Variants in PLS1 observed in about 807,000 individuals in gnomAD.
PLS1 encodes plastin-1.
In PLS1, 32 loss-of-function variants were observed where a neutral mutation model predicts 73.7. That is an observed-to-expected ratio of 0.43 (90% CI 0.33 to 0.58). The LOEUF is 0.58. Among genes scored for constraint, PLS1 ranks in the 20% least tolerant of loss-of-function variants. PLS1 has a pLI of 0.04. For missense variants in PLS1, 633 were observed against 740.5 expected, an observed-to-expected ratio of 0.85 and a Z score of 1.68; for synonymous variants, 217 against 261.3, an observed-to-expected ratio of 0.83 and a Z score of 1.63.
At position 142,698,043 on chromosome 3, in the gene PLS1, T is replaced by A; in HGVS notation, c.1347T>A (p.Pro449=). ...NWSHVNKPPY[P]ALGGNMKKIE... ...GCCATGTCAACAAACCTCCTTATCC[T>A]GCCCTTGGAGGGAACATGAAGAAGG... Residue 449 remains proline, a synonymous_variant, in exon 12 of 16, where the codon CCT becomes CCA. Coordinates refer to ENST00000457734, the MANE Select transcript of PLS1 (RefSeq NM_001145319.2). 6.2e-7 allele frequency: 1 copy of A among 1,600,496 alleles called. No homozygotes were observed. The highest frequency in any genetic ancestry group is 8.6e-7 in the Non-Finnish European group (1 of 1,167,652).
At chr3:142,603,106 G>A (rs1272896580) in intron 1 of PLS1, among the ~76,000 whole-genome samples, 1 of 152,204 alleles carries the variant, frequency 6.6e-6, no homozygotes, top group Admixed American at 6.5e-5. Context: ...TTATAAAATG[G>A]TTATACAATT....
intron 1 of PLS1, among the ~76,000 whole-genome samples, chr3:142,599,457 G>A (rs1182907503): frequency 1.3e-5 from 2 of 150,844 alleles, no homozygotes; most frequent in African/African-American, 4.9e-5. Context: ...AGCCTCCCGA[G>A]TAGCTGGGAC....
In PLS1 at chr3:142,698,149, G is replaced by C. The variant is rs140077524; in HGVS notation, c.1371+82G>C. 45 of 789,610 alleles carry C rather than the reference G, an allele frequency of 5.7e-5. 1 individual carries two copies. The African/African-American group carries it at 6.5e-4, about 11-fold the overall frequency. 48.9% of individuals were successfully genotyped at this position (789,610 alleles called of 1,614,324 possible). On this transcript the variant is annotated intron_variant, in intron 12 of 15. Transcript: ENST00000457734. ...TTTAGAGTTTCATGAAGTTATACGT[G>C]CTCTGTCCCCACAATTCTGATTCAG...
intron 4 of PLS1, 93 bp from the exon 5 acceptor site, chr3:142,676,064 A>G (rs1163828757): frequency 1.1e-6 from 1 of 910,352 alleles, no homozygotes; most frequent in African/African-American, 1.7e-5. Flanking sequence ...GAAATTAACA[A>G]GTATGTTTTT....
intron 1 of PLS1, among the ~76,000 whole-genome samples, chr3:142,639,191 C>T (rs543760690): frequency 2.2e-4 from 33 of 152,252 alleles, no homozygotes; most frequent in Admixed American, 2.0e-4. Flanking sequence ...TCAGAAACTT[C>T]GTCGTATCAT....
At chr3:142,651,672 C>G (rs372558200) in intron 1 of PLS1, among the ~76,000 whole-genome samples, 1 of 152,066 alleles carries the variant, frequency 6.6e-6, no homozygotes, top group East Asian at 1.9e-4. Flanking sequence ...CATCAAGGCT[C>G]CCTGGGAGGC....
chr3:142,639,062 G>C (rs747706407), intron 1 of PLS1, among the ~76,000 whole-genome samples: 1 of 152,062 alleles, frequency 6.6e-6, no homozygotes, highest in Non-Finnish European at 1.5e-5. Context: ...TTATTATAAC[G>C]TAATTTCTAT....
At position 142,713,437 on chromosome 3, in the gene PLS1, A is replaced by G. The variant is rs376056602; in HGVS notation, c.*1430A>G. The G allele has an allele frequency of 3.3e-5, 5 of 152,726 alleles. No individual in the cohort carries two copies. Among genetic ancestry groups the G allele is most frequent in the Admixed American group, 2.0e-4 (3 of 15,304 alleles). The allele number at this position is 152,726 out of a possible 1,614,324, so 9.5% of individuals were successfully genotyped here. On this transcript the variant is annotated 3_prime_UTR_variant, in exon 16 of 16. Transcript: ENST00000457734. ...AAATGATCAACAGGTGGAATTTGAAATATATTCTTCTACAAAAGAGATTTC... is the reference window on the plus strand; with the variant it reads ...AAATGATCAACAGGTGGAATTTGAAGTATATTCTTCTACAAAAGAGATTTC...
chr3:142,624,044 A>G (rs192367769), intron 1 of PLS1, among the ~76,000 whole-genome samples: 2 of 152,174 alleles, frequency 1.3e-5, no homozygotes, highest in African/African-American at 4.8e-5. Flanking sequence ...TTAATTGTGG[A>G]TAAGCAAAAC....
intron 1 of PLS1, among the ~76,000 whole-genome samples, chr3:142,617,374 G>T (rs2036234516): frequency 6.6e-6 from 1 of 152,118 alleles, no homozygotes; most frequent in Non-Finnish European, 1.5e-5. Flanking sequence ...GATTTCATCT[G>T]AAAATGGAAT....
chr3:142,607,290 A>G (rs1296224247), intron 1 of PLS1, among the ~76,000 whole-genome samples: 1 of 151,980 alleles, frequency 6.6e-6, no homozygotes, highest in Non-Finnish European at 1.5e-5. Context: ...ATATATATAT[A>G]TATTTTTTGA....
chr3:142,686,407 T>G (rs1449690270), intron 9 of PLS1, 31 bp downstream of exon 9: 13 of 1,297,548 alleles, frequency 1.0e-5, no homozygotes, highest in Non-Finnish European at 1.5e-5. Context: ...TTAAAATATA[T>G]TGTGGTAAAA....
chr3:142,614,778 C>T (rs558392001), intron 1 of PLS1, among the ~76,000 whole-genome samples: 2 of 152,180 alleles, frequency 1.3e-5, no homozygotes, highest in African/African-American at 4.8e-5. Flanking sequence ...CTGGCCTGGG[C>T]TCCATCTGCT....
intron 1 of PLS1, among the ~76,000 whole-genome samples, chr3:142,624,327 G>A (rs1203871108): frequency 1.3e-5 from 2 of 152,168 alleles, no homozygotes; most frequent in Non-Finnish European, 2.9e-5. Context: ...TATAAATAGT[G>A]TACAAGTGAG....
At chr3:142,631,664 G>GAAAAAAAA (rs71153981) in intron 1 of PLS1, among the ~76,000 whole-genome samples, 2 of 39,450 alleles carry the variant, frequency 5.1e-5, no homozygotes, top group African/African-American at 1.0e-4. Flanking sequence ...CCTGTCTCTA[G>GAAAAAAAA]AAAAAAAAAA....
At position 142,668,854 on chromosome 3, in the gene PLS1, G is replaced by A. The variant is rs548041804; in HGVS notation, c.71-536G>A. Among the ~76,000 whole-genome samples the A allele has an allele frequency of 4.3e-4, 65 of 151,800 alleles. 1 individual carries two copies. The highest frequency in any genetic ancestry group is 7.4e-4 in the Non-Finnish European group (50 of 67,940). On this transcript the variant is annotated intron_variant, in intron 2 of 15. Coordinates refer to ENST00000457734, the MANE Select transcript of PLS1 (RefSeq NM_001145319.2). ...TGACCTCAGGTGATCTGCCTACCTCGGCCTCCCAAAGTGCTGGGATTATAA... is the reference window on the plus strand; with the variant it reads ...TGACCTCAGGTGATCTGCCTACCTCAGCCTCCCAAAGTGCTGGGATTATAA...
intron 2 of PLS1, among the ~76,000 whole-genome samples, chr3:142,665,177 G>A (rs981902842): frequency 2.6e-5 from 4 of 151,136 alleles, no homozygotes; most frequent in African/African-American, 9.7e-5. Context: ...CGCTGGTCTT[G>A]TGCTTAGATT....
At chr3:142,618,268 C>T (rs1369776842) in intron 1 of PLS1, among the ~76,000 whole-genome samples, 5 of 152,244 alleles carry the variant, frequency 3.3e-5, no homozygotes, top group Admixed American at 1.3e-4. Flanking sequence ...GCCTACCCCC[C>T]ACCCTGCTGC....
intron 1 of PLS1, chr3:142,657,144 G>A (rs1402725923): frequency 1.3e-5 from 2 of 152,190 alleles, no homozygotes; most frequent in Non-Finnish European, 2.9e-5. Flanking sequence ...TGGCTACCTG[G>A]GAAACACCCC....
Sources: gnomAD v4.1 joint callset for allele counts (sites outside exome capture counted in the v4.1 genomes callset) on GRCh38, gnomAD v4.1.1 for gene constraint, MANE v1.5 for transcripts, NCBI Gene and HGNC (gene_info 2026-07-23, HGNC 2026-07-21) for gene names.